TRIO: variants seen among roughly 807,000 people sequenced by gnomAD.
TRIO encodes triple functional domain protein.
TRIO carries 58 observed loss-of-function variants against 351.9 expected under a neutral mutation model. That is an observed-to-expected ratio of 0.16 (90% CI 0.13 to 0.21). TRIO has a LOEUF of 0.21. Ranked by LOEUF, TRIO falls within the 10% of genes least tolerant of loss-of-function variation. The pLI is 1.00. For missense variants in TRIO, 3,201 were observed against 4,027.8 expected (o/e 0.79, Z 5.56); for synonymous variants, 1,758 against 1,595.7 (o/e 1.10, Z -2.42).
chr5:14,427,481 GC>G (rs1750744652), intron 34 of TRIO, among the ~76,000 whole-genome samples: 1 of 152,146 alleles, frequency 6.6e-6, no homozygotes, highest in Non-Finnish European at 1.5e-5. Context: ...CGGGGGATAC[GC>G]CGGTGCTGTT....
intron 2 of TRIO, 60 bp from the exon 3 acceptor site, chr5:14,280,262 A>G: frequency 1.3e-6 from 2 of 1,507,406 alleles, no homozygotes; most frequent in South Asian, 1.1e-5. Context: ...TGAATGGATG[A>G]TAACATAGGA....
At chr5:14,493,597 C>T (rs1001648142) in intron 49 of TRIO, among the ~76,000 whole-genome samples, 3 of 152,180 alleles carry the variant, frequency 2.0e-5, no homozygotes, top group African/African-American at 7.2e-5. Context: ...TCTCCCTCTC[C>T]TCAGGCCTGC....
At chr5:14,333,762 T>C (rs1003317922) in intron 10 of TRIO, among the ~76,000 whole-genome samples, 8 of 152,156 alleles carry the variant, frequency 5.3e-5, no homozygotes, top group Admixed American at 2.0e-4. Context: ...TTTTGTCTGC[T>C]TGAGTCCTAC....
intron 1 of TRIO, among the ~76,000 whole-genome samples, chr5:14,218,680 C>T (rs1792379965): frequency 6.6e-6 from 1 of 152,238 alleles, no homozygotes; most frequent in South Asian, 2.1e-4. Context: ...TCCTGTGCAC[C>T]TCACAAGAAG....
chr5:14,352,100 C>G (rs998948496), intron 11 of TRIO, among the ~76,000 whole-genome samples: 6 of 152,224 alleles, frequency 3.9e-5, no homozygotes, highest in Non-Finnish European at 5.9e-5. Flanking sequence ...AACTCCATGT[C>G]CCTTCCTAGT....
intron 31 of TRIO, among the ~76,000 whole-genome samples, chr5:14,401,869 A>G (rs1163647213): frequency 1.3e-5 from 2 of 152,084 alleles, no homozygotes; most frequent in East Asian, 1.9e-4. Flanking sequence ...GCCAGAGTGT[A>G]ATGGGACTCT....
At chr5:14,202,885 A>G (rs759891073) in intron 1 of TRIO, among the ~76,000 whole-genome samples, 1 of 151,660 alleles carries the variant, frequency 6.6e-6, no homozygotes, top group Non-Finnish European at 1.5e-5. Context: ...AGTCTCGTGT[A>G]TGTCTTTATC....
intron 6 of TRIO, among the ~76,000 whole-genome samples, chr5:14,296,585 G>A (rs939103129): frequency 1.4e-4 from 21 of 152,174 alleles, no homozygotes; most frequent in African/African-American, 4.1e-4. Flanking sequence ...ACCCAAAAAT[G>A]ACTTGGGCAT....
At chr5:14,179,926 G>A (rs1454759209) in intron 1 of TRIO, among the ~76,000 whole-genome samples, 1 of 151,428 alleles carries the variant, frequency 6.6e-6, no homozygotes, top group Admixed American at 6.6e-5. Context: ...TAGAAACCTC[G>A]TCTCTACTAA....
At chr5:14,495,838 G>A (rs889547321) in intron 49 of TRIO, among the ~76,000 whole-genome samples, 1 of 152,016 alleles carries the variant, frequency 6.6e-6, no homozygotes, top group Non-Finnish European at 1.5e-5. Flanking sequence ...CGTAGTGGCA[G>A]GCGCCTGTAG....
rs114171126 is a variant in TRIO, at chr5:14,250,925, C to T, written c.158-19900C>T. Reference sequence around the variant, plus strand: ...CATGGCTTAACAGAGGAGGAAGCTGCGGCCAGGAGAGGTGAAATGATTTGC... The same window carrying T: ...CATGGCTTAACAGAGGAGGAAGCTGTGGCCAGGAGAGGTGAAATGATTTGC... On this transcript the variant is annotated intron_variant, in intron 1 of 56. Transcript: ENST00000344204. 4.8e-3 allele frequency among the ~76,000 whole-genome samples: 730 copies of T among 152,194 alleles called. 8 individuals carry two copies. The highest frequency in any genetic ancestry group is 0.017 in the African/African-American group (706 of 41,508).
intron 20 of TRIO, among the ~76,000 whole-genome samples, chr5:14,379,444 G>A (rs1049166989): frequency 6.6e-6 from 1 of 152,214 alleles, no homozygotes; most frequent in Non-Finnish European, 1.5e-5. Context: ...TAGATGAACT[G>A]GGTTCCTAGG....
intron 34 of TRIO, among the ~76,000 whole-genome samples, chr5:14,456,162 A>C (rs1218704992): frequency 1.3e-5 from 2 of 152,192 alleles, no homozygotes; most frequent in Non-Finnish European, 2.9e-5. Flanking sequence ...GGCCACTCGG[A>C]GTGCAGGGCC....
intron 2 of TRIO, among the ~76,000 whole-genome samples, chr5:14,274,445 G>C (rs945392671): frequency 6.6e-6 from 1 of 152,124 alleles, no homozygotes; most frequent in Non-Finnish European, 1.5e-5. Context: ...AGTTTCATAG[G>C]GAGTTTTATT....
At chr5:14,298,395 A>G (rs1459388960) in intron 7 of TRIO, among the ~76,000 whole-genome samples, 1 of 152,248 alleles carries the variant, frequency 6.6e-6, no homozygotes, top group Non-Finnish European at 1.5e-5. Flanking sequence ...ACCACCAGGA[A>G]GACACATATA....
At chr5:14,467,905 G>T (rs990120250) in intron 37 of TRIO, among the ~76,000 whole-genome samples, 4 of 152,200 alleles carry the variant, frequency 2.6e-5, no homozygotes, top group Non-Finnish European at 4.4e-5. Flanking sequence ...TGATAAAACT[G>T]TCTAAATGAA....
At chr5:14,243,616 C>T (rs779493657) in intron 1 of TRIO, among the ~76,000 whole-genome samples, 2 of 152,024 alleles carry the variant, frequency 1.3e-5, no homozygotes, top group South Asian at 4.1e-4. Flanking sequence ...AAAAATTATT[C>T]CATAGGAGGG....
In TRIO at chr5:14,460,485, C is replaced by T. The variant is rs182713799; in HGVS notation, c.5204-534C>T. ...CAGGACAAATCACTGTCATTTTATC[C>T]GTAATAATTACACAATTCTGCTTTT... On this transcript the variant is annotated intron_variant, in intron 34 of 56. Coordinates refer to ENST00000344204, the MANE Select transcript of TRIO (RefSeq NM_007118.4). Among the ~76,000 whole-genome samples, 226 of 152,250 alleles carry T rather than the reference C, an allele frequency of 1.5e-3. 1 individual carries two copies. Among genetic ancestry groups the T allele is most frequent in the South Asian group, 4.8e-3 (23 of 4,828 alleles).
At chr5:14,366,554 T>TA (rs1445278902) in intron 15 of TRIO, among the ~76,000 whole-genome samples, 1 of 152,246 alleles carries the variant, frequency 6.6e-6, no homozygotes, top group South Asian at 2.1e-4. Context: ...GTAGGTTTTC[T>TA]AAAATATGGC....
Sources: allele counts gnomAD v4.1 joint callset (sites outside exome capture counted in the v4.1 genomes callset), GRCh38; gene constraint gnomAD v4.1.1; transcripts MANE v1.5; gene names NCBI Gene and HGNC (gene_info 2026-07-23, HGNC 2026-07-21).